Variants in CMIP observed in about 807,000 individuals in gnomAD.
CMIP encodes the protein c-Maf inducing protein.
CMIP carries 13 observed loss-of-function variants against 97.3 expected under a neutral mutation model. That is an observed-to-expected ratio of 0.13 (90% CI 0.09 to 0.21). CMIP has a LOEUF of 0.21. CMIP is among the 10% of genes least tolerant of loss of function. The pLI is 1.00. For synonymous variants in CMIP, 538 were observed against 436.3 expected, an observed-to-expected ratio of 1.23 and a Z score of -2.91; for missense variants, 847 against 1,024.9, an observed-to-expected ratio of 0.83 and a Z score of 2.37.
At chr16:81,492,831 T>C (rs374010296) in intron 1 of CMIP, among the ~76,000 whole-genome samples, 6 of 91,372 alleles carry the variant, frequency 6.6e-5, no homozygotes, top group South Asian at 3.4e-4. Flanking sequence ...CGGGGAGAAA[T>C]GGGGAGTAAA....
intron 10 of CMIP, among the ~76,000 whole-genome samples, chr16:81,683,562 G>C (rs1450745856): frequency 1.3e-5 from 2 of 151,466 alleles, no homozygotes; most frequent in African/African-American, 4.9e-5. Context: ...GCTAATTTTT[G>C]TATTTTTAGT....
At chr16:81,509,731 A>T (rs2089775979) in intron 1 of CMIP, among the ~76,000 whole-genome samples, 1 of 152,134 alleles carries the variant, frequency 6.6e-6, no homozygotes, top group Non-Finnish European at 1.5e-5. Context: ...TGGTCTGAAC[A>T]GATGTCTCTT....
intron 1 of CMIP, among the ~76,000 whole-genome samples, chr16:81,457,796 C>G (rs1413079449): frequency 1.3e-5 from 2 of 152,232 alleles, no homozygotes; most frequent in African/African-American, 2.4e-5. Flanking sequence ...GTCTGAAAAA[C>G]AATGTGGGGG....
intron 1 of CMIP, among the ~76,000 whole-genome samples, chr16:81,493,120 C>A (rs2089431255): frequency 6.6e-6 from 1 of 152,088 alleles, no homozygotes; most frequent in South Asian, 2.1e-4. Flanking sequence ...GAGTTCCTGC[C>A]CCTCCAGGGT....
At chr16:81,642,765 G>T (rs1005635364) in intron 3 of CMIP, among the ~76,000 whole-genome samples, 1 of 152,114 alleles carries the variant, frequency 6.6e-6, no homozygotes, top group Non-Finnish European at 1.5e-5. Context: ...GCGTGGTGGC[G>T]GGCGCCTGTA....
chr16:81,603,809 A>C (rs1193190085), intron 1 of CMIP, among the ~76,000 whole-genome samples: 2 of 152,222 alleles, frequency 1.3e-5, no homozygotes, highest in African/African-American at 4.8e-5. Flanking sequence ...GGAAGACCCC[A>C]GAGGCAAAGA....
chr16:81,525,402 C>G (rs2090112101), intron 1 of CMIP, among the ~76,000 whole-genome samples: 1 of 152,210 alleles, frequency 6.6e-6, no homozygotes, highest in Admixed American at 6.5e-5. Context: ...CTCGGCCTCC[C>G]AAAGTGCTGG....
chr16:81,579,707 A>G (rs1362621325), intron 1 of CMIP, among the ~76,000 whole-genome samples: 2 of 134,764 alleles, frequency 1.5e-5, no homozygotes, highest in African/African-American at 4.9e-5. Flanking sequence ...GTAAAAAAAG[A>G]GTTCTGCCAC....
chr16:81,522,186 C>A (rs2090041331), intron 1 of CMIP, among the ~76,000 whole-genome samples: 1 of 152,186 alleles, frequency 6.6e-6, no homozygotes. Context: ...CCGATTCGCC[C>A]ACGATGATCA....
intron 10 of CMIP, among the ~76,000 whole-genome samples, chr16:81,683,105 CTA>C (rs1905038026): frequency 6.6e-6 from 1 of 152,340 alleles, no homozygotes; most frequent in Non-Finnish European, 1.5e-5. Context: ...AGGCCAGACT[CTA>C]TGCCAAATGC....
At chr16:81,457,112 T>G (rs1054065276) in intron 1 of CMIP, among the ~76,000 whole-genome samples, 13 of 152,062 alleles carry the variant, frequency 8.5e-5, no homozygotes, top group African/African-American at 2.4e-4. Context: ...GCTTCTGGCC[T>G]CAGCTTCCCC....
intron 10 of CMIP, among the ~76,000 whole-genome samples, chr16:81,679,253 A>ATGTGTG (rs71391549): frequency 1.4e-3 from 210 of 148,184 alleles, no homozygotes; most frequent in African/African-American, 4.5e-3. Flanking sequence ...CTCTGTAGGG[A>ATGTGTG]TGTGTGTGTG....
chr16:81,474,578 C>A (rs571803052), intron 1 of CMIP, among the ~76,000 whole-genome samples: 39 of 152,290 alleles, frequency 2.6e-4, no homozygotes, highest in African/African-American at 7.9e-4. Context: ...GTCAGAGGAG[C>A]AGGGAGCCCC....
intron 1 of CMIP, among the ~76,000 whole-genome samples, chr16:81,456,359 AAGGTTACAC>A (rs1432028721): frequency 2.0e-5 from 3 of 152,198 alleles, no homozygotes; most frequent in African/African-American, 4.8e-5. Context: ...TCAAGAGTTC[AAGGTTACAC>A]AGCTGGAACC....
Position 81,470,530 on chromosome 16 carries a change from C to T in CMIP, c.300+24989C>T, listed in dbSNP as rs1206528974. Among the ~76,000 whole-genome samples the T allele has an allele frequency of 2.6e-5, 4 of 152,204 alleles. No homozygotes were observed. In the East Asian group the frequency reaches 7.7e-4, roughly 29 times the overall value. On this transcript the variant is annotated intron_variant, in intron 1 of 20. Transcript: ENST00000537098. The stretch of plus-strand genomic sequence containing the variant: ...AAAAATAAGGCTGGATCTGAGCAGG[C>T]GCTGCTGACAGGCCACCTGGAGGTT...
chr16:81,623,750 G>A (rs1377944401), intron 3 of CMIP, among the ~76,000 whole-genome samples: 2 of 152,222 alleles, frequency 1.3e-5, no homozygotes, highest in Non-Finnish European at 2.9e-5. Context: ...TTGGATCCTG[G>A]TTCTGTGGGC....
intron 15 of CMIP, among the ~76,000 whole-genome samples, chr16:81,700,286 AG>A (rs1486951697): frequency 6.6e-6 from 1 of 151,944 alleles, no homozygotes; most frequent in African/African-American, 2.4e-5. Context: ...CGTGGCCTCC[AG>A]GTAGCCTGTC....
intron 1 of CMIP, among the ~76,000 whole-genome samples, chr16:81,470,260 A>T (rs560658904): frequency 6.6e-6 from 1 of 152,234 alleles, no homozygotes; most frequent in Non-Finnish European, 1.5e-5. Flanking sequence ...GGATGCTGGG[A>T]GAGAGCCCCA....
intron 1 of CMIP, among the ~76,000 whole-genome samples, chr16:81,582,974 A>C (rs953782060): frequency 1.3e-5 from 2 of 152,206 alleles, no homozygotes; most frequent in African/African-American, 4.8e-5. Context: ...AGATGCTCCA[A>C]GGGACAATTG....
Sources: gnomAD v4.1 joint callset for allele counts (sites outside exome capture counted in the v4.1 genomes callset) on GRCh38, gnomAD v4.1.1 for gene constraint, MANE v1.5 for transcripts, NCBI Gene and HGNC (gene_info 2026-07-23, HGNC 2026-07-21) for gene names.